The following LTBP4 variants were observed in gnomAD, a reference collection of about 807,000 sequenced individuals.
LTBP4 encodes latent-transforming growth factor beta-binding protein 4.
Under a neutral mutation model 180.2 loss-of-function variants are expected in LTBP4, and 93 were observed. That is an observed-to-expected ratio of 0.52 (90% CI 0.44 to 0.61). LTBP4 has a LOEUF of 0.61. Among genes scored for constraint, LTBP4 ranks in the 20% least tolerant of loss-of-function variants. The probability of loss-of-function intolerance (pLI) is 0.00; values close to 1 mark genes in which losing one functional copy is unlikely to be tolerated. For missense variants in LTBP4, 2,116 were observed against 2,256.5 expected, an observed-to-expected ratio of 0.94 and a Z score of 1.26; for synonymous variants, 947 against 934.5, an observed-to-expected ratio of 1.01 and a Z score of -0.24.
intron 15 of LTBP4, 129 bp downstream of exon 15, chr19:40,612,321 A>G (rs2146031322): frequency 7.9e-7 from 1 of 1,269,792 alleles, no homozygotes; most frequent in East Asian, 2.6e-5. Context: ...AGAGCCTGTG[A>G]CTCCTGACCC....
intron 21 of LTBP4, among the ~76,000 whole-genome samples, chr19:40,618,999 T>G (rs56353506): frequency 0.39 from 59,276 of 150,592 alleles, 11,774 homozygotes; most frequent in South Asian, 0.53. Flanking sequence ...AAAAGGGAGG[T>G]TTTTTTTTCA....
intron 22 of LTBP4, among the ~76,000 whole-genome samples, chr19:40,620,950 T>C (rs2081582615): frequency 1.3e-5 from 2 of 151,424 alleles, no homozygotes; most frequent in Admixed American, 6.6e-5. Flanking sequence ...CCAGTTTTTT[T>C]TTTTCTTTGA....
chr19:40,628,361 A>G (rs2146054736), intron 29 of LTBP4, among the ~76,000 whole-genome samples: 1 of 152,272 alleles, frequency 6.6e-6, no homozygotes, highest in South Asian at 2.1e-4. Context: ...CAATATGGTG[A>G]AACCCCGTCT....
rs769547604 is a variant in LTBP4, at chr19:40,611,255, G to T, written c.1914G>T (p.Ser638=). 1.2e-6 allele frequency: 2 copies of T among 1,612,692 alleles called. No homozygotes were observed. Among genetic ancestry groups the T allele is most frequent in the South Asian group, 1.1e-5 (1 of 90,950 alleles). Residue 638 remains serine, a synonymous_variant, in exon 13 of 30, where the codon TCG becomes TCT. Coordinates refer to ENST00000396819, the MANE Select transcript of LTBP4 (RefSeq NM_001042545.2). This position sits in a 1 kb window ranked among gnomAD's most constrained non-coding sequence, Gnocchi z 4.4. ...TTTGCCCGGCTGGCTTCCGGGGCTC[G>T]GCGTGTGAAGAGGATGTGGATGAGT... ...RCVCPAGFRG[S]ACEEDVDECA...
intron 28 of LTBP4, 138 bp from the exon 29 acceptor site, chr19:40,627,567 C>T (rs1411515656): frequency 7.7e-7 from 1 of 1,305,474 alleles, no homozygotes; most frequent in African/African-American, 1.5e-5. Flanking sequence ...CTTACTGGCC[C>T]CGCAGCACCC....
chr19:40,629,506 ACGCACCAGC>A lies in LTBP4; in HGVS notation c.4638_4646del (p.Gln1546_His1548del), dbSNP rs1162267831. On this transcript the variant is annotated inframe_deletion, in exon 30 of 30. Transcript: ENST00000396819. The surrounding 1 kb of genome is among the most constrained non-coding windows in gnomAD (Gnocchi z 4.5). ...CATCTGCCGCCCGGGATTCGCACCC[ACGCACCAGC>A]CGCACCACTGTGCGCCCGCACGGCC... 1 of 1,599,158 alleles carries A rather than the reference ACGCACCAGC, an allele frequency of 6.3e-7. No individual in the cohort carries two copies. Among genetic ancestry groups the A allele is most frequent in the Non-Finnish European group, 8.5e-7 (1 of 1,171,316 alleles).
At position 40,623,651 on chromosome 19, in the gene LTBP4, GT is replaced by G; in HGVS notation, c.3605del (p.Val1202GlyfsTer3). ...LFRDQVCKSGVCVNTAPGYSC... is the reference protein window; with the variant it reads ...LFRDQVCKSGXCVNTAPGYSC... ...CCGAGACCAGGTGTGCAAGAGTGGC[GT>G]GTGTGTGAACACGGCCCCGGGCTAC... is the stretch of plus-strand genomic sequence containing the variant. On this transcript the variant is annotated frameshift_variant, in exon 25 of 30. Transcript: ENST00000396819. LOFTEE classifies it high-confidence loss of function. 6.2e-7 allele frequency: 1 copy of G among 1,613,798 alleles called. No homozygotes were observed. Among genetic ancestry groups the G allele is most frequent in the Non-Finnish European group, 8.5e-7 (1 of 1,179,872 alleles).
chr19:40,614,526 G>T, intron 19 of LTBP4, 80 bp downstream of exon 19: 1 of 1,502,868 alleles, frequency 6.7e-7, no homozygotes, highest in Admixed American at 2.0e-5. Context: ...GAGGAGGGGC[G>T]CCCTGCTTCC....
At chr19:40,628,633 A>G (rs1229429251) in intron 29 of LTBP4, among the ~76,000 whole-genome samples, 1 of 152,206 alleles carries the variant, frequency 6.6e-6, no homozygotes, top group Admixed American at 6.5e-5. Flanking sequence ...AAAAATGGCT[A>G]CAGTCAAAGA....
At chr19:40,628,183 C>T (rs2081651505) in intron 29 of LTBP4, among the ~76,000 whole-genome samples, 1 of 152,222 alleles carries the variant, frequency 6.6e-6, no homozygotes, top group Non-Finnish European at 1.5e-5. Context: ...AGTCTTCCCA[C>T]CTGTAAAATG....
At chr19:40,601,006 C>G (rs755519889), upstream of LTBP4, among the ~76,000 whole-genome samples, 24 of 152,196 alleles carry the variant, frequency 1.6e-4, no homozygotes, top group Non-Finnish European at 2.9e-4. Context: ...AGGATCAACT[C>G]TTAGCTGTCT....
rs1365820617 is a variant in LTBP4, at chr19:40,627,090, C to T, written c.4101C>T (p.Gly1367=). 3 of 1,613,962 alleles carry T rather than the reference C, an allele frequency of 1.9e-6. No individual in the cohort carries two copies. The highest frequency in any genetic ancestry group is 2.5e-6 in the Non-Finnish European group (3 of 1,179,852). ...YGPDLGPPYQ[G]LPYGPELYPP... is the part of the protein sequence containing the mutation. Reference sequence around the variant, plus strand: ...CAGACTTAGGTCCACCTTACCAGGGCCTCCCATATGGGCCTGAGTTGTACC... The same window carrying T: ...CAGACTTAGGTCCACCTTACCAGGGTCTCCCATATGGGCCTGAGTTGTACC... The change falls in exon 28 of 30, where the codon GGC becomes GGT. Residue 1367 remains glycine, a synonymous_variant. Transcript: ENST00000396819.
upstream of LTBP4, among the ~76,000 whole-genome samples, chr19:40,598,149 C>T (rs574731776): frequency 6.6e-6 from 1 of 151,620 alleles, no homozygotes; most frequent in Non-Finnish European, 1.5e-5. Flanking sequence ...CCCAGCGCTC[C>T]GTTACAAAGG....
At chr19:40,616,300 AG>A (rs68144583) in intron 19 of LTBP4, among the ~76,000 whole-genome samples, 37 of 142,298 alleles carry the variant, frequency 2.6e-4, no homozygotes, top group African/African-American at 1.1e-3. Context: ...TTTAAAAAAA[AG>A]AAAAAAAAGC....
In LTBP4 at chr19:40,611,314, G is replaced by T. The variant is rs777432652; in HGVS notation, c.1973G>T (p.Arg658Leu). Residue 658 changes from arginine to leucine, a missense_variant, in exon 13 of 30, where the codon CGC becomes CTC. Around this residue, in one of 5 missense-constraint regions of LTBP4, gnomAD observed 877 missense variants for 873.6 expected, o/e 1.00. Coordinates refer to ENST00000396819, the MANE Select transcript of LTBP4 (RefSeq NM_001042545.2). This position sits in a 1 kb window ranked among gnomAD's most constrained non-coding sequence, Gnocchi z 4.4. Reference sequence around the variant, plus strand: ...GAGCCGCCGCCCTGTGGGCCCGGCCGCTGTGACAACACGGCAGGCTCCTTT... The same window carrying T: ...GAGCCGCCGCCCTGTGGGCCCGGCCTCTGTGACAACACGGCAGGCTCCTTT... ...AQEPPPCGPG[R>L]CDNTAGSFHC... 4 of 1,612,152 alleles carry T rather than the reference G, an allele frequency of 2.5e-6. No individual in the cohort carries two copies. The highest frequency in any genetic ancestry group is 3.4e-6 in the Non-Finnish European group (4 of 1,179,520).
At chr19:40,620,698 TC>T (rs1457299169) in intron 22 of LTBP4, among the ~76,000 whole-genome samples, 3 of 135,050 alleles carry the variant, frequency 2.2e-5, no homozygotes, top group Non-Finnish European at 3.0e-5. Flanking sequence ...ATCGCTTGAA[TC>T]CAGGAGGCGG....
Position 40,601,409 on chromosome 19 carries a change from C to T in LTBP4, c.22C>T (p.Leu8Phe). MAGGVRL[L>F]WVSLLVLLAQ... is the part of the protein sequence containing the mutation. ...AGCCATGGCGGGCGGCGTGCGGCTGCTCTGGGTGTCGCTATTGGTGCTGCT... is the reference window on the plus strand; with the variant it reads ...AGCCATGGCGGGCGGCGTGCGGCTGTTCTGGGTGTCGCTATTGGTGCTGCT... Residue 8 changes from leucine to phenylalanine, a missense_variant, in exon 1 of 30, where the codon CTC becomes TTC. Physicochemically the swap from Leu to Phe is conservative, Grantham distance 22 (BLOSUM62 0). Transcript: ENST00000396819. The T allele has an allele frequency of 7.2e-7, 1 of 1,388,194 alleles. No homozygotes were observed. The allele number at this position is 1,388,194 out of a possible 1,614,324, so 86.0% of individuals were successfully genotyped here.
At chr19:40,598,678 C>T (rs552473762), upstream of LTBP4, 7 of 186,418 alleles carry the variant, frequency 3.8e-5, no homozygotes, top group Non-Finnish European at 8.0e-5. Flanking sequence ...CTGTGACTCC[C>T]GTTATCCCCC....
chr19:40,599,644 CCT>C (rs957474240), upstream of LTBP4: 10 of 1,263,642 alleles, frequency 7.9e-6, no homozygotes, highest in Admixed American at 1.8e-5. Context: ...TTCCCCTCTC[CCT>C]CTCTCTCCCC....
Sources: allele counts gnomAD v4.1 joint callset (sites outside exome capture counted in the v4.1 genomes callset), GRCh38; gene constraint gnomAD v4.1.1; regional missense constraint gnomAD v4.1.1; non-coding constraint Gnocchi (gnomAD v3.1); transcripts MANE v1.5; gene names NCBI Gene and HGNC (gene_info 2026-07-23, HGNC 2026-07-21).